ATP10A: variants seen among roughly 807,000 people sequenced by gnomAD.
ATP10A encodes the protein phospholipid-transporting ATPase VA.
A neutral mutation model predicts 147.8 loss-of-function variants in ATP10A; 111 were observed. The observed-to-expected ratio is 0.75, with a 90% CI of 0.64 to 0.88. The LOEUF (loss-of-function observed/expected upper bound fraction) is 0.88, where lower values mean the gene tolerates loss of function less well. Ranked by LOEUF, ATP10A falls within the 40% of genes least tolerant of loss-of-function variation. The pLI, the probability that ATP10A is intolerant of heterozygous loss-of-function variation, is 0.00. For missense variants in ATP10A, 1,927 were observed against 1,959.0 expected, an observed-to-expected ratio of 0.98 and a Z score of 0.31; for synonymous variants, 875 against 841.6, an observed-to-expected ratio of 1.04 and a Z score of -0.69.
At chr15:25,829,283 C>T (rs1233700230) in intron 1 of ATP10A, among the ~76,000 whole-genome samples, 1 of 152,086 alleles carries the variant, frequency 6.6e-6, no homozygotes, top group Non-Finnish European at 1.5e-5. Context: ...GATGATGTCA[C>T]CTCACAGCAC....
chr15:25,714,235 C>T lies in ATP10A; in HGVS notation c.1783G>A (p.Val595Met). 1.3e-6 allele frequency: 2 copies of T among 1,599,244 alleles called. No homozygotes were observed. The highest frequency in any genetic ancestry group is 1.7e-6 in the Non-Finnish European group (2 of 1,179,930). ...SPDQPRTKVR[V>M]RFELKSPVKT... ...ACCGGGGACTTCAGCTCAAACCTCACCCTCACCTGCAAGAGAAATGGTCAG... is the reference window on the plus strand; with the variant it reads ...ACCGGGGACTTCAGCTCAAACCTCATCCTCACCTGCAAGAGAAATGGTCAG... Residue 595 changes from valine to methionine, a missense_variant, in exon 10 of 21, where the codon GTG becomes ATG. By Grantham distance (21) the Val-to-Met change is conservative. Transcript: ENST00000555815.
At chr15:25,695,448 G>A (rs1185266067) in intron 13 of ATP10A, among the ~76,000 whole-genome samples, 1 of 152,098 alleles carries the variant, frequency 6.6e-6, no homozygotes, top group Non-Finnish European at 1.5e-5. Flanking sequence ...CTAACACGGT[G>A]AAACCCCGTC....
rs1358435441 is a variant in ATP10A, at chr15:25,727,190, C to A, written c.817G>T (p.Asp273Tyr). The A allele has an allele frequency of 6.2e-7, 1 of 1,613,380 alleles. No homozygotes were observed. Among genetic ancestry groups the A allele is most frequent in the Non-Finnish European group, 8.5e-7 (1 of 1,179,706 alleles). ...TAGATGACAATGCCGACGACTGCGT[C>A]CGTGTTCCTAAGGGTGCAGCCCCTC... ...LLRGCTLRNT[D>Y]AVVGIVIYAG... Residue 273 changes from aspartate to tyrosine, a missense_variant, in exon 4 of 21, where the codon GAC becomes TAC. Coordinates refer to ENST00000555815, the MANE Select transcript of ATP10A (RefSeq NM_024490.4).
intron 2 of ATP10A, among the ~76,000 whole-genome samples, chr15:25,755,816 C>T (rs1417821432): frequency 6.6e-6 from 1 of 152,140 alleles, no homozygotes; most frequent in Non-Finnish European, 1.5e-5. Context: ...TGGAACTAAA[C>T]CTGTCTTTAA....
chr15:25,835,762 G>A (rs1892563918), intron 1 of ATP10A, among the ~76,000 whole-genome samples: 1 of 152,152 alleles, frequency 6.6e-6, no homozygotes, highest in Non-Finnish European at 1.5e-5. Context: ...CTCCCAAGTA[G>A]CTGGAATTAC....
chr15:25,716,805 G>A lies in ATP10A; in HGVS notation c.1701C>T (p.Asp567=), dbSNP rs535327293. ...TGAGTGCGATGAAGAAATCAAAGAC[G>A]TCAGACAGCTCAGGCGAGAGGTGGG... The part of the protein sequence containing the change: ...LLAHLSPELS[D]VFDFFIALTI... Residue 567 remains aspartate (D), a synonymous_variant, in exon 9 of 21, where the codon GAC becomes GAT. Transcript: ENST00000555815. 1.4e-5 allele frequency: 23 copies of A among 1,609,738 alleles called. No homozygotes were observed. The highest frequency in any genetic ancestry group is 2.3e-5 in the East Asian group (1 of 44,340).
intron 2 of ATP10A, among the ~76,000 whole-genome samples, chr15:25,752,973 T>G (rs7174167): frequency 0.36 from 54,420 of 151,972 alleles, 10,042 homozygotes; most frequent in South Asian, 0.42. Flanking sequence ...AACTAATCAT[T>G]TATAATTGTA....
chr15:25,719,045 G>T (rs1215885908), intron 7 of ATP10A, among the ~76,000 whole-genome samples: 1 of 152,330 alleles, frequency 6.6e-6, no homozygotes, highest in South Asian at 2.1e-4. Context: ...TGCCTGCGCT[G>T]TGGCTTCTTG....
chr15:25,848,205 C>G (rs1057432434), intron 1 of ATP10A, among the ~76,000 whole-genome samples: 9 of 152,104 alleles, frequency 5.9e-5, no homozygotes, highest in Non-Finnish European at 1.0e-4. Flanking sequence ...TTGTTAAACT[C>G]TGCAATGAAC....
chr15:25,804,037 CTGTG>C (rs1316909881), intron 1 of ATP10A, among the ~76,000 whole-genome samples: 12 of 138,838 alleles, frequency 8.6e-5, no homozygotes, highest in South Asian at 2.4e-4. Context: ...GTGTGTGCAT[CTGTG>C]TGTGTGTCCA....
chr15:25,776,112 G>A (rs778501447), intron 2 of ATP10A, among the ~76,000 whole-genome samples: 15 of 152,220 alleles, frequency 9.9e-5, no homozygotes, highest in Non-Finnish European at 2.1e-4. Context: ...TTACAAAAAT[G>A]AGTCTTTGAA....
At chr15:25,704,840 C>A (rs376252322) in intron 12 of ATP10A, among the ~76,000 whole-genome samples, 1 of 152,118 alleles carries the variant, frequency 6.6e-6, no homozygotes, top group Non-Finnish European at 1.5e-5. Context: ...ACTGTCTTTA[C>A]GACCTGACCC....
intron 1 of ATP10A, among the ~76,000 whole-genome samples, chr15:25,815,369 T>C (rs1262798642): frequency 2.0e-5 from 3 of 152,186 alleles, no homozygotes. Context: ...TTTCTCATTT[T>C]ATATGTGCAC....
At chr15:25,730,057 G>A (rs1313308450) in intron 3 of ATP10A, among the ~76,000 whole-genome samples, 1 of 151,598 alleles carries the variant, frequency 6.6e-6, no homozygotes, top group East Asian at 1.9e-4. Flanking sequence ...TTGGGAGGCC[G>A]AGGCGGGAGG....
chr15:25,829,435 T>C (rs1204472712), intron 1 of ATP10A, among the ~76,000 whole-genome samples: 1 of 152,000 alleles, frequency 6.6e-6, no homozygotes, highest in African/African-American at 2.4e-5. Flanking sequence ...GAGTATTGAG[T>C]GTTGATGTTA....
At chr15:25,682,953 T>C (rs2140284609) in intron 17 of ATP10A, among the ~76,000 whole-genome samples, 1 of 152,312 alleles carries the variant, frequency 6.6e-6, no homozygotes, top group African/African-American at 2.4e-5. Flanking sequence ...TGTCTTCTTG[T>C]TAATTCCCGT....
In ATP10A at chr15:25,860,924, A is replaced by C. The variant is rs374741726; in HGVS notation, c.449+1724T>G. 3.9e-5 allele frequency among the ~76,000 whole-genome samples: 6 copies of C among 152,214 alleles called. No homozygotes were observed. In the East Asian group the frequency reaches 7.7e-4, roughly 20 times the overall value. On this transcript the variant is annotated intron_variant, in intron 1 of 20. Coordinates refer to ENST00000555815, the MANE Select transcript of ATP10A (RefSeq NM_024490.4). ...AGGAGGCTACAGGAGTTACGGGCTC[A>C]GTAATAACAGGAAGTGGTATCTGTG...
intron 3 of ATP10A, among the ~76,000 whole-genome samples, chr15:25,730,655 AG>A (rs1436721767): frequency 1.3e-5 from 2 of 152,190 alleles, no homozygotes; most frequent in African/African-American, 2.4e-5. Flanking sequence ...CGGCTTCCTA[AG>A]TGGGTCCTGA....
At chr15:25,803,909 C>T (rs1344201037) in intron 1 of ATP10A, among the ~76,000 whole-genome samples, 6 of 152,234 alleles carry the variant, frequency 3.9e-5, no homozygotes, top group Non-Finnish European at 7.3e-5. Flanking sequence ...TGTATTGCTT[C>T]ACCCCAAGAC....
Sources: allele counts gnomAD v4.1 joint callset (sites outside exome capture counted in the v4.1 genomes callset), GRCh38; gene constraint gnomAD v4.1.1; transcripts MANE v1.5; gene names NCBI Gene and HGNC (gene_info 2026-07-23, HGNC 2026-07-21).